RARB: variants seen among roughly 807,000 people sequenced by gnomAD.
The protein encoded by RARB is HBV-activated protein.
In RARB, 17 loss-of-function variants were observed where a neutral mutation model predicts 51.9. The ratio of observed to expected loss-of-function variants is 0.33; its 90% confidence interval spans 0.22 to 0.49. The LOEUF (loss-of-function observed/expected upper bound fraction) is 0.49, where lower values mean the gene tolerates loss of function less well. Ranked by LOEUF, RARB falls within the 20% of genes least tolerant of loss-of-function variation. The probability of loss-of-function intolerance (pLI) is 0.99; values close to 1 mark genes in which losing one functional copy is unlikely to be tolerated. For synonymous variants in RARB, 215 were observed against 195.4 expected (o/e 1.10, Z -0.84); for missense variants, 369 against 550.8 (o/e 0.67, Z 3.30).
intron 3 of RARB, among the ~76,000 whole-genome samples, chr3:25,090,701 T>C (rs1188765934): frequency 6.6e-6 from 1 of 152,114 alleles, no homozygotes; most frequent in Non-Finnish European, 1.5e-5. Context: ...AAAATACTCA[T>C]GGTACTAAGG....
intron 5 of RARB, among the ~76,000 whole-genome samples, chr3:25,327,838 C>T (rs897829081): frequency 2.6e-5 from 4 of 151,990 alleles, no homozygotes; most frequent in Admixed American, 2.6e-4. Context: ...TGACTATAGG[C>T]AAGTAATACT....
At chr3:25,319,511 T>G (rs1010961844) in intron 5 of RARB, among the ~76,000 whole-genome samples, 1 of 152,198 alleles carries the variant, frequency 6.6e-6, no homozygotes, top group Non-Finnish European at 1.5e-5. Context: ...ATTCTCCATC[T>G]CTTAGCCCAG....
At chr3:24,911,853 T>A (rs188925477) in intron 2 of RARB, among the ~76,000 whole-genome samples, 58 of 152,348 alleles carry the variant, frequency 3.8e-4, no homozygotes, top group African/African-American at 1.3e-3. Context: ...TAGGAAGAAT[T>A]TTCTATAGAC....
At chr3:25,287,100 T>C (rs1703675163) in intron 5 of RARB, among the ~76,000 whole-genome samples, 1 of 152,206 alleles carries the variant, frequency 6.6e-6, no homozygotes, top group African/African-American at 2.4e-5. Flanking sequence ...ATACACCACA[T>C]AAACTAATTC....
At chr3:25,406,714 G>A (rs1490335723) in intron 5 of RARB, among the ~76,000 whole-genome samples, 8 of 152,194 alleles carry the variant, frequency 5.3e-5, no homozygotes, top group African/African-American at 1.9e-4. Context: ...ACACAATTAA[G>A]CCCATAATGG....
chr3:25,102,347 C>T (rs1305275882), intron 3 of RARB, among the ~76,000 whole-genome samples: 1 of 151,936 alleles, frequency 6.6e-6, no homozygotes, highest in East Asian at 1.9e-4. Flanking sequence ...TCAAGACCAG[C>T]CAGGCCAACA....
chr3:25,554,517 G>T (rs1699977010), intron 3 of RARB, among the ~76,000 whole-genome samples: 1 of 151,960 alleles, frequency 6.6e-6, no homozygotes, highest in Non-Finnish European at 1.5e-5. Flanking sequence ...GACAAAAACT[G>T]GGAAGGCCCA....
intron 5 of RARB, among the ~76,000 whole-genome samples, chr3:25,382,910 G>A (rs1706672971): frequency 1.3e-5 from 2 of 152,132 alleles, no homozygotes; most frequent in Non-Finnish European, 2.9e-5. Context: ...ACCAGCTGCT[G>A]AAGACTTCCC....
chr3:25,215,286 C>A (rs1331251605), intron 5 of RARB, among the ~76,000 whole-genome samples: 4 of 152,100 alleles, frequency 2.6e-5, no homozygotes, highest in Non-Finnish European at 5.9e-5. Context: ...AAAAATTAAA[C>A]CTAAATCATT....
intron 3 of RARB, among the ~76,000 whole-genome samples, chr3:25,081,001 A>T (rs978650856): frequency 2.0e-5 from 3 of 151,552 alleles, no homozygotes; most frequent in African/African-American, 7.3e-5. Context: ...TTCTGATCTG[A>T]TCTCTTTTAC....
upstream of RARB, among the ~76,000 whole-genome samples, chr3:25,424,494 G>T (rs989493091): frequency 3.3e-5 from 5 of 152,150 alleles, no homozygotes; most frequent in Admixed American, 2.0e-4. Flanking sequence ...AAGTCACTCA[G>T]TACTAGCCAT....
At chr3:24,990,078 C>T (rs1696878139) in intron 2 of RARB, among the ~76,000 whole-genome samples, 1 of 105,050 alleles carries the variant, frequency 9.5e-6, no homozygotes, top group Non-Finnish European at 1.9e-5. Context: ...GGATTACAGG[C>T]GTGAGCCACC....
intron 1 of RARB, among the ~76,000 whole-genome samples, chr3:25,435,890 G>A (rs187193638): frequency 2.9e-4 from 44 of 151,992 alleles, no homozygotes; most frequent in East Asian, 1.7e-3. Flanking sequence ...TACAGTAGTC[G>A]TGCCATGGAG....
At chr3:25,086,303 C>A (rs1699104469) in intron 3 of RARB, among the ~76,000 whole-genome samples, 3 of 152,274 alleles carry the variant, frequency 2.0e-5, no homozygotes, top group African/African-American at 7.2e-5. Flanking sequence ...CGATAGTGGG[C>A]AAAGTAACTT....
rs530496498 is a variant in RARB at position 25,387,058 on chromosome 3, A to G, written c.179-74135A>G. 4.0e-4 allele frequency among the ~76,000 whole-genome samples: 61 copies of G among 152,324 alleles called. 2 individuals carry two copies. The South Asian group carries it at 0.012, about 31-fold the overall frequency. ...AATAATTTAAGACCAGTTCTGCCAG[A>G]ATACAAATGTAGAAATGCATCTGTT... is the stretch of plus-strand genomic sequence containing the variant. On this transcript the variant is annotated intron_variant, in intron 5 of 11. Coordinates refer to the RARB transcript ENST00000383772.
chr3:25,113,687 A>C (rs1412451881), intron 3 of RARB, among the ~76,000 whole-genome samples: 1 of 152,174 alleles, frequency 6.6e-6, no homozygotes, highest in Non-Finnish European at 1.5e-5. Flanking sequence ...TTTTGCAGAC[A>C]GTCCTGACCT....
At chr3:25,141,789 G>A (rs1420401168) in intron 4 of RARB, among the ~76,000 whole-genome samples, 1 of 152,102 alleles carries the variant, frequency 6.6e-6, no homozygotes, top group African/African-American at 2.4e-5. Context: ...GGTAAATCTA[G>A]ATTTTAATAA....
intron 2 of RARB, among the ~76,000 whole-genome samples, chr3:25,480,826 C>A (rs1315559890): frequency 6.6e-6 from 1 of 152,022 alleles, no homozygotes; most frequent in African/African-American, 2.4e-5. Context: ...TAGTAGCTGT[C>A]TTCTAATTCT....
intron 3 of RARB, among the ~76,000 whole-genome samples, chr3:25,070,660 C>A (rs936534305): frequency 1.3e-5 from 2 of 152,192 alleles, no homozygotes; most frequent in African/African-American, 4.8e-5. Context: ...TTGCCAGACA[C>A]AATCCCTGAG....
Sources: allele counts gnomAD v4.1 joint callset (sites outside exome capture counted in the v4.1 genomes callset), GRCh38; gene constraint gnomAD v4.1.1; transcripts MANE v1.5; gene names NCBI Gene and HGNC (gene_info 2026-07-23, HGNC 2026-07-21).